LBH: variants seen among roughly 807,000 people sequenced by gnomAD.
LBH encodes the protein protein LBH.
In LBH, 7 loss-of-function variants were observed where a neutral mutation model predicts 12.5. The observed-to-expected ratio is 0.56, with a 90% confidence interval of 0.32 to 1.05. LBH has a LOEUF of 1.05. LBH is among the 50% of genes least tolerant of loss of function. The pLI is 0.04. For missense variants in LBH, 119 were observed against 138.9 expected, an observed-to-expected ratio of 0.86 and a Z score of 0.72; for synonymous variants, 51 against 50.1, an observed-to-expected ratio of 1.02 and a Z score of -0.08.
chr2:30,254,651 C>CTGCTTGTCATGCCT (rs1240378449), intron 2 of LBH, among the ~76,000 whole-genome samples: 75 of 151,798 alleles, frequency 4.9e-4, no homozygotes, highest in African/African-American at 1.7e-3. Context: ...TGGGCCTGCC[C>CTGCTTGTCATGCCT]TGCTTGTCAT....
intron 2 of LBH, among the ~76,000 whole-genome samples, chr2:30,242,609 C>G (rs1253001087): frequency 6.6e-6 from 1 of 152,094 alleles, no homozygotes; most frequent in African/African-American, 2.4e-5. Context: ...AATCCACACC[C>G]ATATTTCTAT....
rs1198697917 is a variant in LBH, at chr2:30,259,705, A to C, written c.*2084A>C. The stretch of plus-strand genomic sequence containing the variant: ...TAGACCACTTTGTATGACCGTTTGC[A>C]GTCTGAGCAGGCCAGGGGCTGACAG... On this transcript the variant is annotated 3_prime_UTR_variant, in exon 3 of 3. Transcript: ENST00000395323. The C allele has an allele frequency of 6.6e-6, 1 of 152,620 alleles. No individual in the cohort carries two copies. The highest frequency in any genetic ancestry group is 1.5e-5 in the Non-Finnish European group (1 of 68,050). The allele number at this position is 152,620 out of a possible 1,614,324, so 9.5% of individuals were successfully genotyped here. A position where few individuals can be genotyped will look rare whatever the true frequency, so the allele number is the denominator to read the frequency against.
At chr2:30,241,606 C>T (rs1017229868) in intron 2 of LBH, among the ~76,000 whole-genome samples, 43 of 151,610 alleles carry the variant, frequency 2.8e-4, no homozygotes, top group Non-Finnish European at 1.2e-4. Context: ...ACTACAAACA[C>T]GTGCCACCAT....
rs745991618 is a variant in LBH, at chr2:30,257,617, A to T, written c.314A>T (p.Gln105Leu). ...GAGACAGCGAAAGAAAATAAAGAGC[A>T]GTAGAGTCCCTGTGGACTCCCATGG... is the stretch of plus-strand genomic sequence containing the variant. ...CEETAKENKE[Q>L] is the part of the protein sequence containing the mutation. Residue 105 changes from glutamine to leucine, a missense_variant, in exon 3 of 3, where the codon CAG (glutamine) becomes CTG (leucine). Coordinates refer to ENST00000395323, the MANE Select transcript of LBH (RefSeq NM_030915.4). 1 of 1,608,352 alleles carries T rather than the reference A, an allele frequency of 6.2e-7. No individual in the cohort carries two copies. The highest frequency in any genetic ancestry group is 8.5e-7 in the Non-Finnish European group (1 of 1,176,738).
rs936466463 is a variant in LBH at position 30,231,559 on chromosome 2, A to G, written c.-180A>G. 4.9e-5 allele frequency: 30 copies of G among 612,924 alleles called. No homozygotes were observed. Among genetic ancestry groups the G allele is most frequent in the African/African-American group, 1.6e-4 (8 of 49,578 alleles). 38.0% of individuals were successfully genotyped at this position (612,924 alleles called of 1,614,324 possible). ...GCTGAGTGCTCAGTGGAGAGCGGGG[A>G]GTTGTGTCCACCTTGCCGACGTCGC... On this transcript the variant is annotated 5_prime_UTR_variant, in exon 1 of 3. Coordinates refer to ENST00000395323, the MANE Select transcript of LBH (RefSeq NM_030915.4).
chr2:30,238,481 G>C (rs533115950), intron 2 of LBH, among the ~76,000 whole-genome samples: 1 of 152,298 alleles, frequency 6.6e-6, no homozygotes, highest in Admixed American at 6.5e-5. Flanking sequence ...CCCACCATTT[G>C]ACATCCATCT....
chr2:30,246,814 TC>T lies in LBH; in HGVS notation c.130-10616del, dbSNP rs1677880339. Among the ~76,000 whole-genome samples the T allele has an allele frequency of 2.4e-5, 3 of 126,464 alleles. No individual in the cohort carries two copies. In the South Asian group the frequency reaches 8.5e-4, roughly 36 times the overall value. 83.0% of individuals were successfully genotyped at this position (126,464 alleles called of 152,430 possible). ...TTTCCTTCCTCACTCACTCCCTCCC[TC>T]CCTCCCTCCCTCCTTTCTTTCTTTC... On this transcript the variant is annotated intron_variant, in intron 2 of 2. Transcript: ENST00000395323.
intron 2 of LBH, among the ~76,000 whole-genome samples, chr2:30,238,632 T>G (rs1405767303): frequency 6.6e-6 from 1 of 152,158 alleles, no homozygotes; most frequent in East Asian, 1.9e-4. Context: ...TTCCCCTTCA[T>G]TCCCCAGGTG....
chr2:30,244,239 C>T (rs1169229230), intron 2 of LBH, among the ~76,000 whole-genome samples: 2 of 152,272 alleles, frequency 1.3e-5, no homozygotes, highest in East Asian at 3.9e-4. Context: ...TGGTCATGTG[C>T]CCCTCGGGTA....
intron 2 of LBH, among the ~76,000 whole-genome samples, chr2:30,238,385 T>C (rs13409211): frequency 0.014 from 2,155 of 152,320 alleles, 51 homozygotes; most frequent in African/African-American, 0.049. Flanking sequence ...ATCATCCTTC[T>C]CCAGGCTCTT....
At chr2:30,231,893 C>G (rs1677591908) in intron 1 of LBH, 129 bp downstream of exon 1, 1 of 734,862 alleles carries the variant, frequency 1.4e-6, no homozygotes, top group Non-Finnish European at 1.9e-6. Context: ...ACCCGCCGCC[C>G]GAGCCCGTGC....
At chr2:30,234,204 G>C in intron 1 of LBH, 1 of 572,524 alleles carries the variant, frequency 1.7e-6, no homozygotes, top group East Asian at 2.9e-5. Context: ...AATGGGCTTT[G>C]TCTGTTGCGG....
intron 2 of LBH, among the ~76,000 whole-genome samples, chr2:30,247,587 G>A (rs1345865617): frequency 6.6e-6 from 1 of 152,190 alleles, no homozygotes; most frequent in Non-Finnish European, 1.5e-5. Context: ...TAAGAATGGT[G>A]CTCCGTGGCA....
chr2:30,231,860 G>T, intron 1 of LBH, 96 bp downstream of exon 1: 1 of 1,112,772 alleles, frequency 9.0e-7, no homozygotes, highest in African/African-American at 1.7e-5. Flanking sequence ...GAGGGCAGCC[G>T]GCGGCGCGGG....
At chr2:30,233,173 A>C (rs1677623223) in intron 1 of LBH, 1 of 152,240 alleles carries the variant, frequency 6.6e-6, no homozygotes, top group African/African-American at 2.4e-5. Flanking sequence ...ATGAGAAATT[A>C]AGGTTTAAGT....
chr2:30,249,283 T>G (rs1677931722), intron 2 of LBH, among the ~76,000 whole-genome samples: 1 of 152,160 alleles, frequency 6.6e-6, no homozygotes, highest in Non-Finnish European at 1.5e-5. Context: ...CCTTCACACA[T>G]TGTTAGGGGG....
chr2:30,255,735 G>A (rs1433968280), intron 2 of LBH, among the ~76,000 whole-genome samples: 2 of 152,162 alleles, frequency 1.3e-5, no homozygotes, highest in African/African-American at 4.8e-5. Context: ...AAGTTGGGAA[G>A]GCCTGAGTTT....
At chr2:30,234,349 G>A (rs1440574496) in intron 1 of LBH, 56 bp from the exon 2 acceptor site, 2 of 1,329,652 alleles carry the variant, frequency 1.5e-6, no homozygotes, top group Admixed American at 1.7e-5. Flanking sequence ...TGCATGAAGA[G>A]TTAGGAATGT....
intron 1 of LBH, among the ~76,000 whole-genome samples, chr2:30,233,327 C>T (rs1677625825): frequency 6.6e-6 from 1 of 152,224 alleles, no homozygotes; most frequent in East Asian, 1.9e-4. Context: ...AGGACCTGTT[C>T]AAGATCACAC....
Sources: gnomAD v4.1 joint callset for allele counts (sites outside exome capture counted in the v4.1 genomes callset) on GRCh38, gnomAD v4.1.1 for gene constraint, MANE v1.5 for transcripts, NCBI Gene and HGNC (gene_info 2026-07-23, HGNC 2026-07-21) for gene names.